Variants in CADPS observed in about 807,000 individuals in gnomAD.
The protein encoded by CADPS is calcium-dependent secretion activator 1.
Under a neutral mutation model 167.3 loss-of-function variants are expected in CADPS, and 57 were observed. That is an observed-to-expected ratio of 0.34 (90% CI 0.28 to 0.42). The LOEUF is 0.42. Among genes scored for constraint, CADPS ranks in the 20% least tolerant of loss-of-function variants. CADPS has a pLI of 1.00. For synonymous variants in CADPS, 676 were observed against 635.3 expected, an observed-to-expected ratio of 1.06 and a Z score of -0.96; for missense variants, 1,414 against 1,738.1, an observed-to-expected ratio of 0.81 and a Z score of 3.32.
In CADPS at chr3:62,779,782, A is replaced by G. The variant is rs530804172; in HGVS notation, c.442-13798T>C. 1.0e-3 allele frequency: 303 copies of G among 297,486 alleles called. 2 individuals carry two copies. The highest frequency in any genetic ancestry group is 1.7e-3 in the Non-Finnish European group (260 of 152,214). The allele number at this position is 297,486 out of a possible 1,614,324, so 18.4% of individuals were successfully genotyped here. A position where few individuals can be genotyped will look rare whatever the true frequency, so the allele number is the denominator to read the frequency against. ...TGGCCAACCTCCACGAAGCTCCTCA[A>G]CACAATGTCAGTGGCATTCAGTGAG... On this transcript the variant is annotated intron_variant, in intron 1 of 29. Transcript: ENST00000383710.
At chr3:62,673,433 AATAAT>A (rs1349126677) in intron 3 of CADPS, among the ~76,000 whole-genome samples, 10 of 152,208 alleles carry the variant, frequency 6.6e-5, no homozygotes, top group Non-Finnish European at 1.3e-4. Context: ...AAGTGGTGGG[AATAAT>A]AGAGGTGTGA....
chr3:62,651,256 C>A (rs1278263424), intron 4 of CADPS, among the ~76,000 whole-genome samples, 176 bp from the exon 5 acceptor site: 3 of 152,152 alleles, frequency 2.0e-5, no homozygotes, highest in Non-Finnish European at 4.4e-5. Context: ...CAGCTGCCTG[C>A]CTGCTAGTTA....
At position 62,458,256 on chromosome 3, in the gene CADPS, A is replaced by C. The variant is rs565184992; in HGVS notation, c.3636+7111T>G. Among the ~76,000 whole-genome samples the C allele has an allele frequency of 3.2e-4, 48 of 152,280 alleles. 1 individual carries two copies. Among genetic ancestry groups the C allele is most frequent in the African/African-American group, 1.2e-3 (48 of 41,574 alleles). On this transcript the variant is annotated intron_variant, in intron 26 of 29. Transcript: ENST00000383710. The surrounding 1 kb of genome is among the most constrained non-coding windows in gnomAD (Gnocchi z 4.6). ...AGCCCAGTGGCTCTCTGAGGCAGCT[A>C]TCAGCATTCCCACTGTATAGATGAA... is the stretch of plus-strand genomic sequence containing the variant.
intron 18 of CADPS, among the ~76,000 whole-genome samples, chr3:62,496,309 A>G (rs950446952): frequency 2.6e-5 from 4 of 152,130 alleles, no homozygotes; most frequent in African/African-American, 7.2e-5. Flanking sequence ...GAAGATTTCA[A>G]TAAATTGAGC....
chr3:62,433,433 C>A lies in CADPS; in HGVS notation c.3777+4671G>T, dbSNP rs960527393. Among the ~76,000 whole-genome samples, 10 of 152,256 alleles carry A rather than the reference C, an allele frequency of 6.6e-5. No individual in the cohort carries two copies. The highest frequency in any genetic ancestry group is 2.4e-4 in the African/African-American group (10 of 41,562). ...TCTTACGAGGTGGTTTGGTAAGAGG[C>A]CCTTTCCTGATCTGATAACTGCCAC... On this transcript the variant is annotated intron_variant, in intron 28 of 29. Coordinates refer to ENST00000383710, the MANE Select transcript of CADPS (RefSeq NM_003716.4). This position sits in a 1 kb window ranked among gnomAD's most constrained non-coding sequence, Gnocchi z 4.7.
At chr3:62,485,174 A>C (rs1461005257) in intron 21 of CADPS, among the ~76,000 whole-genome samples, 2 of 152,126 alleles carry the variant, frequency 1.3e-5, no homozygotes, top group Admixed American at 1.3e-4. Context: ...CTCCCACCTG[A>C]GTCAATTTTC....
chr3:62,705,759 C>A (rs36036880), intron 3 of CADPS, among the ~76,000 whole-genome samples: 3 of 151,976 alleles, frequency 2.0e-5, no homozygotes, highest in Non-Finnish European at 4.4e-5. Flanking sequence ...TGGGACCTCA[C>A]CTTTGTGATT....
chr3:62,599,452 CATTAA>C (rs892419596), intron 6 of CADPS, among the ~76,000 whole-genome samples: 3 of 125,162 alleles, frequency 2.4e-5, no homozygotes, highest in African/African-American at 6.1e-5. Context: ...AAAGCCCATG[CATTAA>C]ATGAGAGTGC....
At chr3:62,568,195 T>C (rs970940337) in intron 9 of CADPS, among the ~76,000 whole-genome samples, 2 of 152,256 alleles carry the variant, frequency 1.3e-5, no homozygotes, top group African/African-American at 4.8e-5. Flanking sequence ...TTCCAGGACT[T>C]GTGATGGTTA....
At chr3:62,855,778 A>T (rs1487280697) in intron 1 of CADPS, among the ~76,000 whole-genome samples, 1 of 152,148 alleles carries the variant, frequency 6.6e-6, no homozygotes, top group African/African-American at 2.4e-5. Flanking sequence ...CCTCCTTAAC[A>T]CACAGCATAT....
chr3:62,573,158 A>G (rs186077769), intron 8 of CADPS, among the ~76,000 whole-genome samples: 1 of 152,218 alleles, frequency 6.6e-6, no homozygotes, highest in Non-Finnish European at 1.5e-5. Context: ...CTGGGCTTAC[A>G]GGCGTGAGGT....
Position 62,833,303 on chromosome 3 carries a change from T to C in CADPS, c.441+41286A>G, listed in dbSNP as rs140046928. 3.6e-4 allele frequency among the ~76,000 whole-genome samples: 54 copies of C among 152,052 alleles called. 1 individual carries two copies. The highest frequency in any genetic ancestry group is 1.3e-3 in the African/African-American group (52 of 41,542). ...GTTGGGACAACAGCACACAGCACCA[T>C]GCCTGGCTAACTTATTTTTTAAAAA... On this transcript the variant is annotated intron_variant, in intron 1 of 29. Transcript: ENST00000383710.
intron 1 of CADPS, among the ~76,000 whole-genome samples, chr3:62,828,786 G>A (rs527645769): frequency 1.3e-5 from 2 of 152,084 alleles, no homozygotes; most frequent in South Asian, 4.1e-4. Flanking sequence ...TTTCAATTTT[G>A]CTTATGAAGT....
chr3:62,564,866 A>C (rs1438039644), intron 9 of CADPS, among the ~76,000 whole-genome samples: 1 of 152,164 alleles, frequency 6.6e-6, no homozygotes, highest in Non-Finnish European at 1.5e-5. Flanking sequence ...CAGCCTCCCA[A>C]GGGGCTGGGA....
At chr3:62,746,363 G>A (rs1310797505) in intron 3 of CADPS, among the ~76,000 whole-genome samples, 5 of 152,216 alleles carry the variant, frequency 3.3e-5, no homozygotes, top group East Asian at 3.9e-4. Context: ...ACAGAGTCTC[G>A]CTCTCTCAGC....
chr3:62,690,695 C>G (rs936441162), intron 3 of CADPS, among the ~76,000 whole-genome samples: 1 of 151,768 alleles, frequency 6.6e-6, no homozygotes, highest in Non-Finnish European at 1.5e-5. Flanking sequence ...AATGCTTAAG[C>G]TGGATTACTG....
At chr3:62,645,695 G>C in intron 6 of CADPS, 27 bp downstream of exon 6, 1 of 1,612,848 alleles carries the variant, frequency 6.2e-7, no homozygotes, top group South Asian at 1.1e-5. Flanking sequence ...CCCTCTATAA[G>C]ATGGACCCTG....
chr3:62,862,145 C>T lies in CADPS; in HGVS notation c.441+12444G>A, dbSNP rs114460686. Among the ~76,000 whole-genome samples, 1,035 of 151,276 alleles carry T rather than the reference C, an allele frequency of 6.8e-3. 8 individuals are homozygous for T. Among genetic ancestry groups the T allele is most frequent in the African/African-American group, 0.024 (978 of 41,258 alleles). ...ATCTAAATATTCAATTAAGTGACTT[C>T]CAAACACATATTGACTCCATTAATT... On this transcript the variant is annotated intron_variant, in intron 1 of 29. Coordinates refer to ENST00000383710, the MANE Select transcript of CADPS (RefSeq NM_003716.4).
intron 6 of CADPS, among the ~76,000 whole-genome samples, chr3:62,631,378 C>G (rs1033669579): frequency 6.6e-6 from 1 of 152,112 alleles, no homozygotes; most frequent in African/African-American, 2.4e-5. Context: ...AGTAACAAAA[C>G]ACTCTATTTA....
Sources: allele counts gnomAD v4.1 joint callset (sites outside exome capture counted in the v4.1 genomes callset), GRCh38; gene constraint gnomAD v4.1.1; non-coding constraint Gnocchi (gnomAD v3.1); transcripts MANE v1.5; gene names NCBI Gene and HGNC (gene_info 2026-07-23, HGNC 2026-07-21).